Variants in SLC24A3 observed in about 807,000 individuals in gnomAD.
SLC24A3 encodes solute carrier family 24 member 3.
A neutral mutation model predicts 75.8 loss-of-function variants in SLC24A3; 28 were observed. The ratio of observed to expected loss-of-function variants is 0.37; its 90% confidence interval spans 0.27 to 0.51. The LOEUF (loss-of-function observed/expected upper bound fraction) is 0.51, where lower values mean the gene tolerates loss of function less well. Among genes scored for constraint, SLC24A3 ranks in the 20% least tolerant of loss-of-function variants. The pLI is 0.94. For missense variants in SLC24A3, 663 were observed against 847.8 expected (o/e 0.78, Z 2.71); for synonymous variants, 372 against 334.1 (o/e 1.11, Z -1.24).
chr20:19,238,965 T>G (rs545554347), intron 1 of SLC24A3, among the ~76,000 whole-genome samples: 4 of 92,004 alleles, frequency 4.3e-5, no homozygotes, highest in Admixed American at 1.3e-4. Flanking sequence ...CATGGGCGCA[T>G]GCACACACAC....
chr20:19,539,862 G>T (rs2030465057), intron 3 of SLC24A3, among the ~76,000 whole-genome samples: 1 of 152,142 alleles, frequency 6.6e-6, no homozygotes, highest in South Asian at 2.1e-4. Flanking sequence ...AGAGATTAAG[G>T]GGGAAACCTA....
chr20:19,431,609 T>G (rs903454755), intron 2 of SLC24A3, among the ~76,000 whole-genome samples: 2 of 151,924 alleles, frequency 1.3e-5, no homozygotes, highest in Non-Finnish European at 1.5e-5. Context: ...TACTGAGCAA[T>G]TGGAGGAGGT....
At chr20:19,549,670 G>A (rs1234415476) in intron 3 of SLC24A3, among the ~76,000 whole-genome samples, 3 of 152,132 alleles carry the variant, frequency 2.0e-5, no homozygotes, top group Non-Finnish European at 4.4e-5. Flanking sequence ...TGTAATCCCA[G>A]CTACTCAGGA....
At chr20:19,654,836 G>A (rs2032248285) in intron 7 of SLC24A3, among the ~76,000 whole-genome samples, 2 of 151,620 alleles carry the variant, frequency 1.3e-5, no homozygotes, top group Non-Finnish European at 2.9e-5. Flanking sequence ...TAGTAGAGAT[G>A]GGGTTTCACC....
intron 2 of SLC24A3, among the ~76,000 whole-genome samples, chr20:19,360,870 A>C (rs1985773874): frequency 2.0e-5 from 3 of 151,178 alleles, no homozygotes; most frequent in Non-Finnish European, 4.4e-5. Context: ...TCTGTCGGCC[A>C]GGCTGGAGTG....
chr20:19,685,917 T>C (rs1450808978), intron 12 of SLC24A3, among the ~76,000 whole-genome samples: 2 of 152,196 alleles, frequency 1.3e-5, no homozygotes, highest in Non-Finnish European at 2.9e-5. Flanking sequence ...CCAGACACAA[T>C]GATCTGGTGA....
intron 2 of SLC24A3, among the ~76,000 whole-genome samples, chr20:19,441,639 G>A (rs1184803009): frequency 6.6e-6 from 1 of 152,036 alleles, no homozygotes; most frequent in African/African-American, 2.4e-5. Flanking sequence ...TATTAGTGTG[G>A]TACATTTATT....
intron 6 of SLC24A3, among the ~76,000 whole-genome samples, chr20:19,595,675 G>A (rs1420576086): frequency 6.6e-6 from 1 of 152,176 alleles, no homozygotes; most frequent in African/African-American, 2.4e-5. Flanking sequence ...AACAGGAAAG[G>A]TTTCTTCCCT....
At chr20:19,481,586 A>G (rs989868260) in intron 2 of SLC24A3, among the ~76,000 whole-genome samples, 12 of 152,080 alleles carry the variant, frequency 7.9e-5, no homozygotes, top group Admixed American at 2.6e-4. Context: ...CCACAAGTCT[A>G]CGAAAGGACT....
chr20:19,347,704 A>G (rs958663120), intron 2 of SLC24A3, among the ~76,000 whole-genome samples: 1 of 152,236 alleles, frequency 6.6e-6, no homozygotes, highest in Admixed American at 6.5e-5. Context: ...GACATTATAG[A>G]AATGGAAAAT....
chr20:19,463,919 GC>G (rs11087285), intron 2 of SLC24A3, among the ~76,000 whole-genome samples: 3,670 of 152,246 alleles, frequency 0.024, 144 homozygotes, highest in African/African-American at 0.084. Context: ...GTGGGAGGTG[GC>G]CCTGGTGCTT....
intron 3 of SLC24A3, among the ~76,000 whole-genome samples, chr20:19,565,082 A>G (rs1274461772): frequency 2.6e-5 from 4 of 152,198 alleles, no homozygotes; most frequent in Non-Finnish European, 5.9e-5. Flanking sequence ...CTGGGATTAC[A>G]TCGTGTGCCA....
intron 6 of SLC24A3, among the ~76,000 whole-genome samples, chr20:19,607,819 C>T (rs952521567): frequency 2.0e-5 from 3 of 152,244 alleles, no homozygotes; most frequent in Non-Finnish European, 4.4e-5. Flanking sequence ...ATAAGGCTTC[C>T]TGAGCCTCCA....
At chr20:19,433,411 G>T (rs1356143795) in intron 2 of SLC24A3, among the ~76,000 whole-genome samples, 1 of 152,206 alleles carries the variant, frequency 6.6e-6, no homozygotes, top group Non-Finnish European at 1.5e-5. Context: ...TTTGAATGAG[G>T]CAGTGACTAA....
chr20:19,711,819 G>A (rs2032996695), intron 15 of SLC24A3, among the ~76,000 whole-genome samples: 1 of 152,068 alleles, frequency 6.6e-6, no homozygotes, highest in Non-Finnish European at 1.5e-5. Context: ...TTTGTGTTTT[G>A]AGTAGAGACA....
chr20:19,633,270 C>T (rs1379192625), intron 6 of SLC24A3, among the ~76,000 whole-genome samples: 1 of 152,216 alleles, frequency 6.6e-6, no homozygotes, highest in African/African-American at 2.4e-5. Flanking sequence ...AGCCTTCCTC[C>T]TTGCATTGTA....
At chr20:19,697,098 G>A (rs1345433576) in intron 14 of SLC24A3, among the ~76,000 whole-genome samples, 187 bp downstream of exon 14, 1 of 152,032 alleles carries the variant, frequency 6.6e-6, no homozygotes, top group African/African-American at 2.4e-5. Flanking sequence ...CGGGCAGGCG[G>A]GCCTCTCTAC....
At chr20:19,223,067 C>A (rs1035860576) in intron 1 of SLC24A3, among the ~76,000 whole-genome samples, 23 of 152,062 alleles carry the variant, frequency 1.5e-4, no homozygotes, top group African/African-American at 5.1e-4. Flanking sequence ...CCGAGGTGGG[C>A]GGATCATCTG....
At chr20:19,338,696 G>C (rs1297465701) in intron 2 of SLC24A3, among the ~76,000 whole-genome samples, 1 of 152,178 alleles carries the variant, frequency 6.6e-6, no homozygotes, top group Non-Finnish European at 1.5e-5. Context: ...ATGTGACCTT[G>C]GGCAAGATGC....
Sources: gnomAD v4.1 joint callset for allele counts (sites outside exome capture counted in the v4.1 genomes callset) on GRCh38, gnomAD v4.1.1 for gene constraint, MANE v1.5 for transcripts, NCBI Gene and HGNC (gene_info 2026-07-23, HGNC 2026-07-21) for gene names.